Variants in RETREG2 observed in about 807,000 individuals in gnomAD.
The protein encoded by RETREG2 is reticulophagy regulator 2.
A neutral mutation model predicts 51.6 loss-of-function variants in RETREG2; 21 were observed. The observed-to-expected ratio is 0.41, with a 90% CI of 0.29 to 0.59. The LOEUF is 0.59. Among genes scored for constraint, RETREG2 ranks in the 20% least tolerant of loss-of-function variants. The pLI is 0.34. For synonymous variants in RETREG2, 339 were observed against 288.6 expected (o/e 1.17, Z -1.77); for missense variants, 674 against 646.0 (o/e 1.04, Z -0.47).
rs142234261 is a variant in RETREG2 at position 219,182,235 on chromosome 2, A to G, written c.1238A>G (p.Asn413Ser). ...SPLHFVNTHF[N>S]GAGSPPDGVK... is the part of the protein sequence containing the mutation. ...CTCCACTTTGTGAACACGCACTTCAATGGGGCAGGGTCCCCCCCAGATGGA... is the reference window on the plus strand; with the variant it reads ...CTCCACTTTGTGAACACGCACTTCAGTGGGGCAGGGTCCCCCCCAGATGGA... Residue 413 changes from asparagine (N) to serine (S), a missense_variant, in exon 9 of 9, where the codon AAT (asparagine) becomes AGT (serine). Transcript: ENST00000430297. 2.0e-3 allele frequency: 3,287 copies of G among 1,614,018 alleles called. 9 individuals carry two copies. The highest frequency in any genetic ancestry group is 2.1e-3 in the Non-Finnish European group (2,430 of 1,179,970).
intron 5 of RETREG2, 110 bp downstream of exon 5, chr2:219,180,864 A>C: frequency 1.4e-6 from 2 of 1,381,094 alleles, no homozygotes; most frequent in Middle Eastern, 1.8e-4. Context: ...ATTTGTGGAG[A>C]TCTCCAGGGA....
At chr2:219,179,063 G>C in intron 2 of RETREG2, 35 bp downstream of exon 2, 1 of 1,485,416 alleles carries the variant, frequency 6.7e-7, no homozygotes, top group Non-Finnish European at 9.4e-7. Flanking sequence ...CACCCATTGG[G>C]TACTTGCTTG....
At position 219,182,719 on chromosome 2, in the gene RETREG2, G is replaced by A; in HGVS notation, c.*90G>A. ...CTCCTTTGCCTACCACTCTGGGGTG[G>A]GGCAGTGTGTGGGGAAGCTGGCTGT... is the stretch of plus-strand genomic sequence containing the variant. On this transcript the variant is annotated 3_prime_UTR_variant, in exon 9 of 9. Coordinates refer to ENST00000430297, the MANE Select transcript of RETREG2 (RefSeq NM_024293.6). 1 of 1,501,216 alleles carries A rather than the reference G, an allele frequency of 6.7e-7. No homozygotes were observed. Among genetic ancestry groups the A allele is most frequent in the Non-Finnish European group, 9.0e-7 (1 of 1,112,466 alleles). The allele number at this position is 1,501,216 out of a possible 1,614,324, so 93.0% of individuals were successfully genotyped here. A position where few individuals can be genotyped will look rare whatever the true frequency, so the allele number is the denominator to read the frequency against.
intron 6 of RETREG2, 35 bp downstream of exon 6, chr2:219,181,240 G>A (rs1236363448): frequency 6.2e-7 from 1 of 1,613,018 alleles, no homozygotes; most frequent in Admixed American, 1.7e-5. Context: ...GGGTGAAAGA[G>A]CGGGAGGGCC....
intron 2 of RETREG2, 89 bp from the exon 3 acceptor site, chr2:219,179,644 C>A: frequency 1.6e-6 from 2 of 1,277,562 alleles, no homozygotes; most frequent in Non-Finnish European, 2.3e-6. Flanking sequence ...TGCTCTGGGG[C>A]TGCAGAGGAG....
Position 219,182,371 on chromosome 2 carries a change from T to C in RETREG2, c.1374T>C (p.Ser458=), listed in dbSNP as rs1950293916. The change falls in exon 9 of 9, where the codon AGT becomes AGC. Residue 458 remains serine, a synonymous_variant. Coordinates refer to ENST00000430297, the MANE Select transcript of RETREG2 (RefSeq NM_024293.6). Reference sequence around the variant, plus strand: ...CACCTCCACTTTGCCTTGTTGGAAGTGACCCAGCCCCCTCCCCTTCCATTC... The same window carrying C: ...CACCTCCACTTTGCCTTGTTGGAAGCGACCCAGCCCCCTCCCCTTCCATTC... ...TLSPPLCLVG[S]DPAPSPSILP... is the part of the protein sequence containing the mutation. 6.2e-7 allele frequency: 1 copy of C among 1,613,864 alleles called. No individual in the cohort carries two copies. Among genetic ancestry groups the C allele is most frequent in the African/African-American group, 1.3e-5 (1 of 74,842 alleles).
intron 2 of RETREG2, 37 bp from the exon 3 acceptor site, chr2:219,179,696 T>A (rs1328064449): frequency 6.2e-7 from 1 of 1,609,430 alleles, no homozygotes; most frequent in Non-Finnish European, 8.5e-7. Flanking sequence ...CCAGGGCCCC[T>A]ACCACTCAAT....
At position 219,181,318 on chromosome 2, in the gene RETREG2, C is replaced by T. The variant is rs545142310; in HGVS notation, c.785-51C>T. On this transcript the variant is annotated intron_variant, in intron 6 of 8. Coordinates refer to ENST00000430297, the MANE Select transcript of RETREG2 (RefSeq NM_024293.6). ...CCAGTTCTTTAGCTGTGTTTGTCTCCCCTCCCATCATTCATGCTTGGTCAT... is the reference window on the plus strand; with the variant it reads ...CCAGTTCTTTAGCTGTGTTTGTCTCTCCTCCCATCATTCATGCTTGGTCAT... 3.7e-6 allele frequency: 6 copies of T among 1,606,780 alleles called. No individual in the cohort carries two copies. In the African/African-American group the frequency reaches 4.0e-5, roughly 11 times the overall value.
At chr2:219,179,066 C>G in intron 2 of RETREG2, 38 bp downstream of exon 2, 2 of 1,463,118 alleles carry the variant, frequency 1.4e-6, no homozygotes, top group Non-Finnish European at 1.9e-6. Flanking sequence ...CCATTGGGTA[C>G]TTGCTTGGTG....
intron 8 of RETREG2, 107 bp from the exon 9 acceptor site, chr2:219,181,906 C>T (rs1950284758): frequency 6.4e-7 from 1 of 1,557,646 alleles, no homozygotes; most frequent in South Asian, 1.2e-5. Context: ...ACACCTAAGG[C>T]TTGGCCCAGC....
chr2:219,181,417 A>G lies in RETREG2; in HGVS notation c.833A>G (p.Glu278Gly). 1 of 1,614,146 alleles carries G rather than the reference A, an allele frequency of 6.2e-7. No homozygotes were observed. The highest frequency in any genetic ancestry group is 8.5e-7 in the Non-Finnish European group (1 of 1,180,022). ...CCAGGAGGTGATGAGCCACTGGCAG[A>G]GACAGAGAGTGAAAGCGAGGCAGAG... is the stretch of plus-strand genomic sequence containing the variant. Reference protein sequence around the residue: ...APPGGDEPLAETESESEAELA... With the variant: ...APPGGDEPLAGTESESEAELA... The change falls in exon 7 of 9, where the codon GAG becomes GGG. Residue 278 changes from glutamate (E) to glycine (G), a missense_variant. Transcript: ENST00000430297.
At position 219,178,429 on chromosome 2, in the gene RETREG2, TG is replaced by T; in HGVS notation, c.80del (p.Gly27ValfsTer2). 1.5e-6 allele frequency: 1 copy of T among 649,768 alleles called. No individual in the cohort carries two copies. Among genetic ancestry groups the T allele is most frequent in the Non-Finnish European group, 2.5e-6 (1 of 400,600 alleles). 40.3% of individuals were successfully genotyped at this position (649,768 alleles called of 1,614,324 possible). A position where few individuals can be genotyped will look rare whatever the true frequency, so the allele number is the denominator to read the frequency against. ...PGMGLSLGLG[L>X]GLSLGMSEAT... Reference sequence around the variant, plus strand: ...ATGGGCCTGAGCCTGGGCCTGGGTCTGGGTCTGAGCCTAGGCATGAGTGAGG... The same window carrying T: ...ATGGGCCTGAGCCTGGGCCTGGGTCTGGTCTGAGCCTAGGCATGAGTGAGG... On this transcript the variant is annotated frameshift_variant, in exon 1 of 9. Coordinates refer to ENST00000430297, the MANE Select transcript of RETREG2 (RefSeq NM_024293.6). LOFTEE classifies it high-confidence loss of function.
chr2:219,178,619 C>A lies in RETREG2; in HGVS notation c.267C>A (p.Leu89=). 1 of 1,453,016 alleles carries A rather than the reference C, an allele frequency of 6.9e-7. No homozygotes were observed. The highest frequency in any genetic ancestry group is 9.0e-7 in the Non-Finnish European group (1 of 1,111,814). The allele number at this position is 1,453,016 out of a possible 1,614,324, so 90.0% of individuals were successfully genotyped here. The change falls in exon 1 of 9, where the codon CTC becomes CTA. Residue 89 remains leucine (L), a synonymous_variant. Coordinates refer to ENST00000430297, the MANE Select transcript of RETREG2 (RefSeq NM_024293.6). ...ACAGCCTGGTCACGGCGGCCGCGCT[C>A]AACGGCCTCTTCTGGTAACGGCCGC... ...PLHSLVTAAA[L]NGLFWLLSSS... is the part of the protein sequence containing the mutation.
chr2:219,181,055 C>A lies in RETREG2; in HGVS notation c.641-7C>A, dbSNP rs550812341. 6.2e-7 allele frequency: 1 copy of A among 1,613,982 alleles called. No homozygotes were observed. Among genetic ancestry groups the A allele is most frequent in the Non-Finnish European group, 8.5e-7 (1 of 1,179,924 alleles). On this transcript the variant is annotated splice_region_variant and splice_polypyrimidine_tract_variant and intron_variant, in intron 5 of 8. Transcript: ENST00000430297. ...GGGAGCTCTTAGTTCACGTTCTTAA[C>A]CCATAGTGTTGAGTATCCTGCTGTG...
Position 219,182,215 on chromosome 2 carries a change from C to T in RETREG2, c.1218C>T (p.His406=). 6.2e-7 allele frequency: 1 copy of T among 1,614,158 alleles called. No individual in the cohort carries two copies. Among genetic ancestry groups the T allele is most frequent in the Non-Finnish European group, 8.5e-7 (1 of 1,180,020 alleles). Residue 406 remains histidine, a synonymous_variant, in exon 9 of 9, where the codon CAC becomes CAT. Coordinates refer to ENST00000430297, the MANE Select transcript of RETREG2 (RefSeq NM_024293.6). ...TGTTGCGGCTCTCATCCCCCCTCCACTTTGTGAACACGCACTTCAATGGGG... is the reference window on the plus strand; with the variant it reads ...TGTTGCGGCTCTCATCCCCCCTCCATTTTGTGAACACGCACTTCAATGGGG... ...ETLLRLSSPL[H]FVNTHFNGAG...
chr2:219,182,498 G>C lies in RETREG2; in HGVS notation c.1501G>C (p.Glu501Gln). The C allele has an allele frequency of 1.2e-6, 2 of 1,614,064 alleles. No individual in the cohort carries two copies. The highest frequency in any genetic ancestry group is 8.5e-7 in the Non-Finnish European group (1 of 1,180,012). Reference protein sequence around the residue: ...DFELLDQGELEQLNAELGLEP... With the variant: ...DFELLDQGELQQLNAELGLEP... ...TGAGTTGCTGGATCAGGGGGAGCTG[G>C]AGCAGCTGAATGCAGAGCTGGGCTT... is the stretch of plus-strand genomic sequence containing the variant. The change falls in exon 9 of 9, where the codon GAG (glutamate) becomes CAG (glutamine). Residue 501 changes from glutamate (E) to glutamine (Q), a missense_variant. Coordinates refer to ENST00000430297, the MANE Select transcript of RETREG2 (RefSeq NM_024293.6).
chr2:219,179,904 C>T, intron 3 of RETREG2, 141 bp downstream of exon 3: 1 of 1,174,518 alleles, frequency 8.5e-7, no homozygotes, highest in Non-Finnish European at 1.3e-6. Flanking sequence ...GTCCTAGGCT[C>T]CTGTGTAGGT....
In RETREG2 at chr2:219,183,742, A is replaced by G. The variant is rs1418030535; in HGVS notation, c.*1113A>G. On this transcript the variant is annotated 3_prime_UTR_variant, in exon 9 of 9. Coordinates refer to ENST00000430297, the MANE Select transcript of RETREG2 (RefSeq NM_024293.6). ...CAGGAGGAAATTGCTTTGTCTTCCC[A>G]ATCGGTAGAAATTCGGGACCATAAA... 6.6e-6 allele frequency: 1 copy of G among 152,228 alleles called. No individual in the cohort carries two copies. The highest frequency in any genetic ancestry group is 2.4e-5 in the African/African-American group (1 of 41,452). The allele number at this position is 152,228 out of a possible 1,614,324, so 9.4% of individuals were successfully genotyped here. A position where few individuals can be genotyped will look rare whatever the true frequency, so the allele number is the denominator to read the frequency against.
chr2:219,182,657 C>G lies in RETREG2; in HGVS notation c.*28C>G. 6.2e-7 allele frequency: 1 copy of G among 1,607,566 alleles called. No homozygotes were observed. Among genetic ancestry groups the G allele is most frequent in the South Asian group, 1.1e-5 (1 of 90,736 alleles). On this transcript the variant is annotated 3_prime_UTR_variant, in exon 9 of 9. Transcript: ENST00000430297. ...CAGCCGTTGAGGAAGGAGCTGCAGG[C>G]ACAGTAGGGCTTCCTGGCTAGGAGT...
Sources: gnomAD v4.1 joint callset for allele counts on GRCh38, gnomAD v4.1.1 for gene constraint, MANE v1.5 for transcripts, NCBI Gene and HGNC (gene_info 2026-07-23, HGNC 2026-07-21) for gene names.